The following HIPK3 variants were observed in gnomAD, a reference collection of about 807,000 sequenced individuals.
The protein encoded by HIPK3 is homeodomain interacting protein kinase 3, also known as homeodomain-interacting protein kinase 3.
Under a neutral mutation model 124.2 loss-of-function variants are expected in HIPK3, and 47 were observed. That is an observed-to-expected ratio of 0.38 (90% CI 0.30 to 0.48). The LOEUF (loss-of-function observed/expected upper bound fraction) is 0.48, where lower values mean the gene tolerates loss of function less well. Ranked by LOEUF, HIPK3 falls within the 20% of genes least tolerant of loss-of-function variation. The pLI is 0.98. For missense variants in HIPK3, 1,286 were observed against 1,454.3 expected, an observed-to-expected ratio of 0.88 and a Z score of 1.88; for synonymous variants, 482 against 515.2, an observed-to-expected ratio of 0.94 and a Z score of 0.87.
intron 1 of HIPK3, among the ~76,000 whole-genome samples, chr11:33,285,833 G>T (rs1222038460): frequency 6.6e-6 from 1 of 151,950 alleles, no homozygotes; most frequent in African/African-American, 2.4e-5. Flanking sequence ...GTGCAGTGGT[G>T]CAATCTCGGC....
At chr11:33,293,214 G>A (rs1851747401) in intron 2 of HIPK3, among the ~76,000 whole-genome samples, 1 of 152,030 alleles carries the variant, frequency 6.6e-6, no homozygotes, top group South Asian at 2.1e-4. Flanking sequence ...GCTTTATTGA[G>A]ATATAATCTA....
chr11:33,330,630 A>C (rs566984890), intron 3 of HIPK3, among the ~76,000 whole-genome samples: 1 of 152,242 alleles, frequency 6.6e-6, no homozygotes, highest in African/African-American at 2.4e-5. Flanking sequence ...CCCCGCCCAC[A>C]GTTCAATGTT....
In HIPK3 at chr11:33,347,695, GCTA is replaced by G. The variant is rs1436233675; in HGVS notation, c.2094_2096del (p.Thr699del). ...GCAACAGGTGACACCCCTGGCTCCT[GCTA>G]CTACTACACTAACTTCTGAGAGTGT... On this transcript the variant is annotated inframe_deletion, in exon 10 of 17. Transcript: ENST00000303296. 3.1e-6 allele frequency: 5 copies of G among 1,614,042 alleles called. No homozygotes were observed. The highest frequency in any genetic ancestry group is 4.2e-6 in the Non-Finnish European group (5 of 1,180,022).
chr11:33,329,502 C>T (rs962705751), intron 3 of HIPK3, among the ~76,000 whole-genome samples: 3 of 152,102 alleles, frequency 2.0e-5, no homozygotes, highest in Admixed American at 1.3e-4. Flanking sequence ...GGGCTATTTT[C>T]TCTATCAAGA....
intron 2 of HIPK3, among the ~76,000 whole-genome samples, chr11:33,299,617 C>T (rs905227155): frequency 5.3e-5 from 8 of 152,170 alleles, no homozygotes; most frequent in Admixed American, 2.6e-4. Flanking sequence ...AGAGGATTGG[C>T]TCCAATTTTG....
intron 1 of HIPK3, among the ~76,000 whole-genome samples, chr11:33,278,317 A>C (rs542617322): frequency 6.6e-6 from 1 of 152,202 alleles, no homozygotes; most frequent in East Asian, 1.9e-4. Context: ...CTGTGGTGGG[A>C]AATAATCAGG....
intron 2 of HIPK3, among the ~76,000 whole-genome samples, chr11:33,289,905 A>G (rs1851654738): frequency 6.6e-6 from 1 of 152,202 alleles, no homozygotes; most frequent in South Asian, 2.1e-4. Flanking sequence ...ATGAGCGAGA[A>G]CATTGTGAAG....
At chr11:33,277,663 A>G (rs1456088939) in intron 1 of HIPK3, among the ~76,000 whole-genome samples, 1 of 152,174 alleles carries the variant, frequency 6.6e-6, no homozygotes, top group Non-Finnish European at 1.5e-5. Context: ...TTCTTTGTGC[A>G]TATTTGTGAG....
intron 2 of HIPK3, among the ~76,000 whole-genome samples, chr11:33,298,975 T>C (rs1339216464): frequency 6.6e-6 from 1 of 151,982 alleles, no homozygotes; most frequent in African/African-American, 2.4e-5. Context: ...GCCTCCCAAG[T>C]AGCTGGAATT....
chr11:33,289,271 C>T (rs1230343818), intron 2 of HIPK3, among the ~76,000 whole-genome samples: 1 of 151,908 alleles, frequency 6.6e-6, no homozygotes, highest in African/African-American at 2.4e-5. Flanking sequence ...GAGACCCTGC[C>T]TCTCCAAAAA....
At chr11:33,257,927 TG>T in intron 1 of HIPK3, 38 bp downstream of exon 1, 1 of 984,712 alleles carries the variant, frequency 1.0e-6, no homozygotes, top group Non-Finnish European at 1.2e-6. Flanking sequence ...CACCCCGGGG[TG>T]GGGGGATCGG....
intron 1 of HIPK3, among the ~76,000 whole-genome samples, chr11:33,265,725 A>G (rs1850936482): frequency 1.4e-5 from 2 of 142,480 alleles, no homozygotes; most frequent in Admixed American, 1.4e-4. Flanking sequence ...GTGAGCTAAG[A>G]TCGTACCACT....
At chr11:33,325,653 G>A (rs1852790267) in intron 2 of HIPK3, among the ~76,000 whole-genome samples, 1 of 152,050 alleles carries the variant, frequency 6.6e-6, no homozygotes, top group South Asian at 2.1e-4. Flanking sequence ...ACTTTTCTTT[G>A]TGTGACTCAA....
rs576859822 is a variant in HIPK3 at position 33,296,051 on chromosome 11, T to C, written c.1097+8540T>C. On this transcript the variant is annotated intron_variant, in intron 2 of 16. Transcript: ENST00000303296. The stretch of plus-strand genomic sequence containing the variant: ...TCTGTAGTTCCTCTATTAGGAATTC[T>C]TCCACAAGAAGAGCTTTTTTTCCCC... 1.7e-4 allele frequency among the ~76,000 whole-genome samples: 26 copies of C among 152,362 alleles called. No individual in the cohort carries two copies. The South Asian group carries it at 4.6e-3, about 27-fold the overall frequency.
chr11:33,308,493 A>G (rs1326874314), intron 2 of HIPK3, among the ~76,000 whole-genome samples: 1 of 152,058 alleles, frequency 6.6e-6, no homozygotes, highest in African/African-American at 2.4e-5. Context: ...TCTGCCTTCT[A>G]TTATTTCCAT....
chr11:33,276,131 C>T (rs977917331), intron 1 of HIPK3, among the ~76,000 whole-genome samples: 5 of 152,196 alleles, frequency 3.3e-5, no homozygotes, highest in Admixed American at 3.3e-4. Context: ...CAAATGTTAA[C>T]ATTTTACTGC....
At chr11:33,257,259 C>G (rs569895070), upstream of HIPK3, 676 of 983,512 alleles carry the variant, frequency 6.9e-4, 6 homozygotes, top group African/African-American at 0.011. Flanking sequence ...GGAGGCGCCG[C>G]GGCCGGAGCG....
intron 1 of HIPK3, among the ~76,000 whole-genome samples, chr11:33,259,286 C>T (rs757743248): frequency 1.3e-5 from 2 of 152,114 alleles, no homozygotes; most frequent in African/African-American, 4.8e-5. Context: ...CCAACTAAGA[C>T]ATTTTAATCC....
At chr11:33,330,183 A>T (rs1022469882) in intron 3 of HIPK3, among the ~76,000 whole-genome samples, 3 of 152,140 alleles carry the variant, frequency 2.0e-5, no homozygotes, top group Non-Finnish European at 4.4e-5. Flanking sequence ...TGTTTTTTTT[A>T]AACTAAACTT....
Sources: gnomAD v4.1 joint callset for allele counts (sites outside exome capture counted in the v4.1 genomes callset) on GRCh38, gnomAD v4.1.1 for gene constraint, MANE v1.5 for transcripts, NCBI Gene and HGNC (gene_info 2026-07-23, HGNC 2026-07-21) for gene names.